The following MYH11 variants were observed in gnomAD, a reference collection of about 807,000 sequenced individuals.
MYH11 encodes the protein myosin heavy chain 11.
A neutral mutation model predicts 246.6 loss-of-function variants in MYH11; 80 were observed. That is an observed-to-expected ratio of 0.32 (90% confidence interval 0.27 to 0.39). The LOEUF (loss-of-function observed/expected upper bound fraction) is 0.39. Ranked by LOEUF, MYH11 falls within the 10% of genes least tolerant of loss-of-function variation. The pLI, the probability that MYH11 is intolerant of heterozygous loss-of-function variation, is 1.00. For missense variants in MYH11, 2,158 were observed against 2,546.8 expected, an observed-to-expected ratio of 0.85 and a Z score of 3.29; for synonymous variants, 1,071 against 1,015.5, an observed-to-expected ratio of 1.05 and a Z score of -1.04.
In MYH11 at chr16:15,817,518, A is replaced by G. The variant is rs781177891; in HGVS notation, c.502+5737T>C. ...AGGGCGAGACTCTGCCTCAAAAAAAAAGGGGGGGAGAATTTAAAAAATAAA... is the reference window on the plus strand; with the variant it reads ...AGGGCGAGACTCTGCCTCAAAAAAAGAGGGGGGGAGAATTTAAAAAATAAA... On this transcript the variant is annotated intron_variant, in intron 3 of 40. Transcript: ENST00000300036. Among the ~76,000 whole-genome samples, 27 of 150,406 alleles carry G rather than the reference A, an allele frequency of 1.8e-4. 1 individual carries two copies. Among genetic ancestry groups the G allele is most frequent in the Admixed American group, 2.6e-4 (4 of 15,272 alleles).
chr16:15,759,144 G>C (rs1220654431), intron 12 of MYH11, among the ~76,000 whole-genome samples: 1 of 151,422 alleles, frequency 6.6e-6, no homozygotes, highest in Non-Finnish European at 1.5e-5. Context: ...GTAAGAGTCA[G>C]TGAGACTTAA....
chr16:15,849,392 CA>C, intron 1 of MYH11, among the ~76,000 whole-genome samples: 1 of 152,284 alleles, frequency 6.6e-6, no homozygotes, highest in East Asian at 1.9e-4. Flanking sequence ...CGATGTTTGA[CA>C]CATCTGAGTG....
At chr16:15,774,193 T>C (rs959548480) in intron 8 of MYH11, among the ~76,000 whole-genome samples, 2 of 152,238 alleles carry the variant, frequency 1.3e-5, no homozygotes, top group African/African-American at 2.4e-5. Context: ...GTCACGAGGA[T>C]TGAGGTCTTT....
At chr16:15,838,867 AAAAAAAAAG>A (rs1288461958) in intron 1 of MYH11, among the ~76,000 whole-genome samples, 2 of 150,696 alleles carry the variant, frequency 1.3e-5, no homozygotes, top group African/African-American at 4.9e-5. Context: ...AAAAAAAAAA[AAAAAAAAAG>A]AAGAAGAAGC....
intron 15 of MYH11, among the ~76,000 whole-genome samples, chr16:15,752,210 C>T (rs1297727257): frequency 1.3e-5 from 2 of 151,982 alleles, no homozygotes; most frequent in Admixed American, 6.6e-5. Flanking sequence ...ACCCAGGGTG[C>T]GATGTTGTTC....
intron 14 of MYH11, 71 bp downstream of exon 14, chr16:15,756,268 TCA>T: frequency 1.3e-6 from 2 of 1,552,622 alleles, no homozygotes; most frequent in Non-Finnish European, 1.8e-6. Context: ...TCTGCCACTC[TCA>T]GACTGTCTCT....
At chr16:15,716,214 T>C (rs1405033306) in intron 38 of MYH11, among the ~76,000 whole-genome samples, 1 of 152,112 alleles carries the variant, frequency 6.6e-6, no homozygotes, top group Non-Finnish European at 1.5e-5. Context: ...ATTATGGGCA[T>C]GAAATACCAC....
chr16:15,824,086 T>G (rs886791674), intron 2 of MYH11, among the ~76,000 whole-genome samples: 1 of 151,468 alleles, frequency 6.6e-6, no homozygotes, highest in Non-Finnish European at 1.5e-5. Context: ...CAGGATCTTT[T>G]TTGGATGCTG....
At chr16:15,791,497 C>G (rs140348415) in intron 4 of MYH11, 1 of 152,120 alleles carries the variant, frequency 6.6e-6, no homozygotes, top group African/African-American at 2.4e-5. Context: ...GCCTCTCTCC[C>G]CTATAGCATC....
intron 9 of MYH11, among the ~76,000 whole-genome samples, chr16:15,771,068 C>T (rs530808006): frequency 1.3e-5 from 2 of 151,532 alleles, no homozygotes; most frequent in South Asian, 2.1e-4. Context: ...AATCTTGGCT[C>T]ACTGCAACCT....
At chr16:15,784,714 C>A in intron 5 of MYH11, 1 of 1,613,874 alleles carries the variant, frequency 6.2e-7, no homozygotes, top group Non-Finnish European at 8.5e-7. Context: ...AAAAGATGGG[C>A]CTTGCTGTGG....
intron 1 of MYH11, among the ~76,000 whole-genome samples, chr16:15,854,611 T>C (rs994968762): frequency 1.4e-4 from 22 of 152,218 alleles, no homozygotes; most frequent in Non-Finnish European, 4.4e-5. Context: ...GTTATTCTCA[T>C]TAGCCCCATT....
At chr16:15,779,670 T>C (rs2151299923) in intron 6 of MYH11, among the ~76,000 whole-genome samples, 1 of 151,190 alleles carries the variant, frequency 6.6e-6, no homozygotes, top group East Asian at 2.0e-4. Context: ...TTGGCCACAC[T>C]GCCCAAGCAG....
intron 40 of MYH11, among the ~76,000 whole-genome samples, chr16:15,712,084 G>A (rs2151183323): frequency 6.6e-6 from 1 of 152,302 alleles, no homozygotes; most frequent in Admixed American, 6.5e-5. Flanking sequence ...GGACCACGAG[G>A]TTTGTGATGT....
rs750329247 is a variant in MYH11 at position 15,756,533 on chromosome 16, G to C, written c.1576-19C>G. 1 of 1,614,040 alleles carries C rather than the reference G, an allele frequency of 6.2e-7. No individual in the cohort carries two copies. Among genetic ancestry groups the C allele is most frequent in the South Asian group, 1.1e-5 (1 of 91,076 alleles). On this transcript the variant is annotated intron_variant, in intron 13 of 40. Coordinates refer to ENST00000300036, the MANE Select transcript of MYH11 (RefSeq NM_002474.3). ...GGTTGTTCTGTGGGAGACAAGTAGGGCTTGAATCAGAGAGAACACCCAACC... is the reference window on the plus strand; with the variant it reads ...GGTTGTTCTGTGGGAGACAAGTAGGCCTTGAATCAGAGAGAACACCCAACC...
intron 2 of MYH11, among the ~76,000 whole-genome samples, chr16:15,825,560 A>C (rs567859295): frequency 1.3e-5 from 2 of 152,226 alleles, no homozygotes; most frequent in South Asian, 2.1e-4. Flanking sequence ...CCCTGTCTTG[A>C]AATTGATAGC....
chr16:15,836,335 AT>A (rs1567210393), intron 2 of MYH11, among the ~76,000 whole-genome samples: 1 of 152,162 alleles, frequency 6.6e-6, no homozygotes, highest in East Asian at 1.9e-4. Context: ...ACAGGTGGCT[AT>A]TGACTACTTG....
At chr16:15,743,059 A>G (rs2041319826) in intron 20 of MYH11, among the ~76,000 whole-genome samples, 1 of 151,736 alleles carries the variant, frequency 6.6e-6, no homozygotes, top group Admixed American at 6.6e-5. Context: ...TTAATAGCTG[A>G]AAACATTCCA....
intron 38 of MYH11, among the ~76,000 whole-genome samples, chr16:15,716,178 C>T (rs531396471): frequency 6.6e-6 from 1 of 152,256 alleles, no homozygotes; most frequent in Non-Finnish European, 1.5e-5. Context: ...CTGCTCCCAC[C>T]TACCTCAGCC....
Sources: allele counts gnomAD v4.1 joint callset (sites outside exome capture counted in the v4.1 genomes callset), GRCh38; gene constraint gnomAD v4.1.1; transcripts MANE v1.5; gene names NCBI Gene and HGNC (gene_info 2026-07-23, HGNC 2026-07-21).